SNX29: variants seen among roughly 807,000 people sequenced by gnomAD.
SNX29 encodes the protein sorting nexin 29.
A neutral mutation model predicts 102.1 loss-of-function variants in SNX29; 78 were observed. That is an observed-to-expected ratio of 0.76 (90% CI 0.64 to 0.92). The LOEUF (loss-of-function observed/expected upper bound fraction) is 0.92, where lower values mean the gene tolerates loss of function less well. Ranked by LOEUF, SNX29 falls within the 40% of genes least tolerant of loss-of-function variation. The pLI is 0.00. For missense variants in SNX29, 1,280 were observed against 1,061.7 expected (o/e 1.21, Z -2.86); for synonymous variants, 580 against 414.5 (o/e 1.40, Z -4.85).
chr16:12,032,114 G>C (rs1235316436), intron 4 of SNX29, among the ~76,000 whole-genome samples: 2 of 150,780 alleles, frequency 1.3e-5, no homozygotes, highest in Non-Finnish European at 3.0e-5. Flanking sequence ...TGCAATATTT[G>C]TTCTTTTTTG....
chr16:12,009,459 A>ATATG (rs1555517745), intron 3 of SNX29, among the ~76,000 whole-genome samples: 1 of 148,982 alleles, frequency 6.7e-6, no homozygotes, highest in Non-Finnish European at 1.5e-5. Flanking sequence ...GTGTGTATAT[A>ATATG]TGTGTGTGTG....
intron 20 of SNX29, among the ~76,000 whole-genome samples, chr16:12,537,629 C>CAGCTT (rs745431161): frequency 2.9e-4 from 44 of 152,172 alleles, no homozygotes; most frequent in Admixed American, 5.2e-4. Context: ...ATTGAGTTGG[C>CAGCTT]AGCTTAGATA....
chr16:12,442,944 T>C (rs769151568), intron 18 of SNX29: 1 of 452,058 alleles, frequency 2.2e-6, no homozygotes, highest in Non-Finnish European at 4.4e-6. Flanking sequence ...TTGAATTTCA[T>C]ATACTTTGCC....
chr16:12,342,858 A>C (rs1195455909), intron 15 of SNX29, among the ~76,000 whole-genome samples: 1 of 152,148 alleles, frequency 6.6e-6, no homozygotes, highest in Non-Finnish European at 1.5e-5. Context: ...CCCTCTGTCC[A>C]GGTGCTGGTG....
intron 20 of SNX29, among the ~76,000 whole-genome samples, chr16:12,537,942 G>T (rs1321080523): frequency 4.1e-5 from 6 of 147,912 alleles, no homozygotes; most frequent in African/African-American, 1.5e-4. Context: ...CTGAGATCGT[G>T]CCACTGCACT....
intron 15 of SNX29, among the ~76,000 whole-genome samples, chr16:12,284,729 T>G (rs1225969844): frequency 6.6e-6 from 1 of 151,994 alleles, no homozygotes; most frequent in Non-Finnish European, 1.5e-5. Context: ...TCCTTTTTTT[T>G]TTTTCTTTTT....
At chr16:12,129,555 T>C (rs2054363024) in intron 12 of SNX29, 75 bp from the exon 13 acceptor site, 6 of 1,505,030 alleles carry the variant, frequency 4.0e-6, no homozygotes, top group Admixed American at 4.3e-5. Flanking sequence ...ACTTGACTTA[T>C]GTTAGGAACT....
intron 14 of SNX29, among the ~76,000 whole-genome samples, chr16:12,212,298 G>A (rs1273866766): frequency 6.6e-6 from 1 of 152,244 alleles, no homozygotes; most frequent in Non-Finnish European, 1.5e-5. Flanking sequence ...GGACTCGGAA[G>A]TGGACATCAG....
At position 12,248,590 on chromosome 16, in the gene SNX29, A is replaced by G. The variant is rs368151878; in HGVS notation, c.1679-29343A>G. On this transcript the variant is annotated intron_variant, in intron 14 of 20. Coordinates refer to ENST00000566228, the MANE Select transcript of SNX29 (RefSeq NM_032167.5). ...TTTTTAGTAGAGTAGTAGTTTTTGT[A>G]TTTTTAGTGGCGAGGGGGTCTCGCC... 7.3e-5 allele frequency among the ~76,000 whole-genome samples: 11 copies of G among 151,712 alleles called. No individual in the cohort carries two copies. In the East Asian group the frequency reaches 9.7e-4, roughly 13 times the overall value.
At chr16:12,161,633 A>G (rs2055788443) in intron 13 of SNX29, among the ~76,000 whole-genome samples, 1 of 152,120 alleles carries the variant, frequency 6.6e-6, no homozygotes, top group South Asian at 2.1e-4. Context: ...GATGGGAAGT[A>G]TTGGGTCACG....
chr16:12,159,164 C>T (rs897511969), intron 13 of SNX29, among the ~76,000 whole-genome samples: 1 of 152,244 alleles, frequency 6.6e-6, no homozygotes, highest in African/African-American at 2.4e-5. Flanking sequence ...CTTTGGCTCC[C>T]AGCAAGGCTG....
chr16:12,571,839 TGCTC>T lies in SNX29; in HGVS notation c.*3211_*3214del, dbSNP rs2079194405. ...CTTCTTTGATTCCCACTTAGCAGTA[TGCTC>T]CAATCACGTTGCTGGCAAGGCATTT... On this transcript the variant is annotated 3_prime_UTR_variant, in exon 21 of 21. Coordinates refer to ENST00000566228, the MANE Select transcript of SNX29 (RefSeq NM_032167.5). The T allele has an allele frequency of 3.8e-6, 4 of 1,050,700 alleles. No individual in the cohort carries two copies. The highest frequency in any genetic ancestry group is 1.6e-5 in the African/African-American group (1 of 60,640). The allele number at this position is 1,050,700 out of a possible 1,614,324, so 65.1% of individuals were successfully genotyped here. A position where few individuals can be genotyped will look rare whatever the true frequency, so the allele number is the denominator to read the frequency against.
chr16:12,331,414 A>G (rs1393650439), intron 15 of SNX29, among the ~76,000 whole-genome samples: 2 of 152,204 alleles, frequency 1.3e-5, no homozygotes, highest in African/African-American at 2.4e-5. Flanking sequence ...AAAGCATTTG[A>G]AGCAGCATAG....
chr16:12,007,617 G>C (rs1265236416), intron 3 of SNX29, among the ~76,000 whole-genome samples: 3 of 152,178 alleles, frequency 2.0e-5, no homozygotes, highest in African/African-American at 7.2e-5. Flanking sequence ...CCTCACCGCT[G>C]ATAGCTGGCC....
At chr16:12,030,077 T>A (rs913475301) in intron 4 of SNX29, among the ~76,000 whole-genome samples, 1 of 152,240 alleles carries the variant, frequency 6.6e-6, no homozygotes, top group African/African-American at 2.4e-5. Context: ...GATCTGACTT[T>A]GAAACACTGC....
chr16:12,508,163 C>G (rs116568653), intron 19 of SNX29, among the ~76,000 whole-genome samples: 97 of 152,316 alleles, frequency 6.4e-4, no homozygotes, highest in African/African-American at 2.2e-3. Context: ...TGAGTGGTGC[C>G]TGGTGGGCTG....
rs114459848 is a variant in SNX29, at chr16:12,241,317, A to T, written c.1679-36616A>T. Among the ~76,000 whole-genome samples, 757 of 152,282 alleles carry T rather than the reference A, an allele frequency of 5.0e-3. 4 individuals carry two copies. The highest frequency in any genetic ancestry group is 0.017 in the African/African-American group (722 of 41,558). Reference sequence around the variant, plus strand: ...TAAAATTGAAGCAAGAAGCCCTGAAAATCACTGTTTTACGTTAAAAGGGGG... The same window carrying T: ...TAAAATTGAAGCAAGAAGCCCTGAATATCACTGTTTTACGTTAAAAGGGGG... On this transcript the variant is annotated intron_variant, in intron 14 of 20. Transcript: ENST00000566228.
chr16:12,150,052 G>A (rs2055231470), intron 13 of SNX29, among the ~76,000 whole-genome samples: 1 of 152,174 alleles, frequency 6.6e-6, no homozygotes, highest in African/African-American at 2.4e-5. Flanking sequence ...AGGGTGGCCT[G>A]GGAACAGATT....
chr16:12,519,288 C>A (rs1418138644), intron 19 of SNX29, among the ~76,000 whole-genome samples: 1 of 152,190 alleles, frequency 6.6e-6, no homozygotes. Context: ...CCCAAAAGGT[C>A]AGAACCCAGG....
Sources: allele counts gnomAD v4.1 joint callset (sites outside exome capture counted in the v4.1 genomes callset), GRCh38; gene constraint gnomAD v4.1.1; transcripts MANE v1.5; gene names NCBI Gene and HGNC (gene_info 2026-07-23, HGNC 2026-07-21).